Variants in BMP1 observed in about 807,000 individuals in gnomAD.
BMP1 encodes the protein bone morphogenetic protein 1, also known as mammalian tolloid protein.
Under a neutral mutation model 116.8 loss-of-function variants are expected in BMP1, and 63 were observed. The ratio of observed to expected loss-of-function variants is 0.54; its 90% confidence interval spans 0.44 to 0.67. The LOEUF is 0.67. Ranked by LOEUF, BMP1 falls within the 30% of genes least tolerant of loss-of-function variation. The pLI is 0.00. For synonymous variants in BMP1, 536 were observed against 533.4 expected, an observed-to-expected ratio of 1.00 and a Z score of -0.07; for missense variants, 1,183 against 1,358.9, an observed-to-expected ratio of 0.87 and a Z score of 2.04.
At chr8:22,201,353 C>A in intron 15 of BMP1, 1 of 1,485,378 alleles carries the variant, frequency 6.7e-7, no homozygotes, top group Non-Finnish European at 8.9e-7. Context: ...GCTCTCTTCT[C>A]CCCACTGTGC....
At chr8:22,182,584 A>G (rs915016311) in intron 8 of BMP1, among the ~76,000 whole-genome samples, 1 of 152,182 alleles carries the variant, frequency 6.6e-6, no homozygotes, top group African/African-American at 2.4e-5. Context: ...CTACTGTTCC[A>G]CCCGTTGACA....
intron 8 of BMP1, among the ~76,000 whole-genome samples, chr8:22,184,326 G>A (rs1460552867): frequency 7.2e-5 from 11 of 152,324 alleles, no homozygotes; most frequent in Non-Finnish European, 1.5e-4. Context: ...TCTAGTGGAC[G>A]CACATGGCCT....
intron 13 of BMP1, 107 bp from the exon 14 acceptor site, chr8:22,196,573 A>G (rs878902581): frequency 2.6e-6 from 4 of 1,517,798 alleles, no homozygotes; most frequent in Non-Finnish European, 2.7e-6. Flanking sequence ...AGCCTTGGGG[A>G]GTCCACAGGC....
rs10664439 is a variant in BMP1 at position 22,210,468 on chromosome 8, T to TCTCACACACACACA, written c.2826+774_2826+775insTCACACACACACAC. On this transcript the variant is annotated intron_variant, in intron 19 of 19. Transcript: ENST00000306385. The stretch of plus-strand genomic sequence containing the variant: ...TTCCCTCTCTCTCTCTCTCTCTCTC[T>TCTCACACACACACA]CACACACATACACACACACTGGCAC... Among the ~76,000 whole-genome samples the TCTCACACACACACA allele has an allele frequency of 6.8e-3, 923 of 135,522 alleles. 14 individuals carry two copies. Among genetic ancestry groups the TCTCACACACACACA allele is most frequent in the African/African-American group, 0.024 (826 of 33,780 alleles). The allele number at this position is 135,522 out of a possible 152,430, so 88.9% of individuals were successfully genotyped here. A position where few individuals can be genotyped will look rare whatever the true frequency, so the allele number is the denominator to read the frequency against.
chr8:22,203,223 CA>C (rs1276177386), intron 16 of BMP1, among the ~76,000 whole-genome samples: 3 of 152,214 alleles, frequency 2.0e-5, no homozygotes, highest in South Asian at 2.1e-4. Flanking sequence ...GTGAGTCACT[CA>C]ACCTCTCTGT....
intron 1 of BMP1, among the ~76,000 whole-genome samples, chr8:22,171,994 G>A (rs569962472): frequency 6.6e-6 from 1 of 152,288 alleles, no homozygotes; most frequent in Admixed American, 6.5e-5. Context: ...GGATGGCAAG[G>A]GTGTGGACGC....
chr8:22,176,254 G>A lies in BMP1; in HGVS notation c.374G>A (p.Arg125Gln), dbSNP rs139598412. The change falls in exon 3 of 20, where the codon CGA becomes CAA. Residue 125 changes from arginine (R) to glutamine (Q), a missense_variant. Transcript: ENST00000306385. Reference sequence around the variant, plus strand: ...CGTAGCCGGCGGGCGGCGACGTCCCGACCAGAGCGTGTGTGGCCCGATGGG... The same window carrying A: ...CGTAGCCGGCGGGCGGCGACGTCCCAACCAGAGCGTGTGTGGCCCGATGGG... ...RSRSRRAATS[R>Q]PERVWPDGVI... The A allele has an allele frequency of 3.7e-6, 6 of 1,613,598 alleles. No homozygotes were observed. The highest frequency in any genetic ancestry group is 2.2e-5 in the East Asian group (1 of 44,878).
intron 9 of BMP1, 137 bp from the exon 10 acceptor site, chr8:22,193,921 G>A: frequency 1.4e-6 from 1 of 708,912 alleles, no homozygotes; most frequent in Non-Finnish European, 2.4e-6. Flanking sequence ...CCAACCAGAG[G>A]GTATACAGTC....
intron 18 of BMP1, 66 bp from the exon 19 acceptor site, chr8:22,209,379 A>T: frequency 6.3e-7 from 1 of 1,582,204 alleles, no homozygotes. Context: ...ACGCCATGGC[A>T]TAGTGTGCCA....
chr8:22,194,784 A>G lies in BMP1; in HGVS notation c.1504A>G (p.Ser502Gly), dbSNP rs1586461068. Reference protein sequence around the residue: ...YLEVRDGHSESSTLIGRYCGY... With the variant: ...YLEVRDGHSEGSTLIGRYCGY... ...GGAGGTGCGCGACGGGCACAGTGAG[A>G]GCAGCACCCTCATCGGGCGCTACTG... The change falls in exon 12 of 20, where the codon AGC becomes GGC. Residue 502 changes from serine (S) to glycine (G), a missense_variant. This residue lies in a region of BMP1 where 956 missense variants were observed against 1,135.2 expected (regional missense o/e 0.84). Transcript: ENST00000306385. The surrounding 1 kb of genome is among the most constrained non-coding windows in gnomAD (Gnocchi z 4.5). 6.2e-7 allele frequency: 1 copy of G among 1,613,898 alleles called. No individual in the cohort carries two copies. Among genetic ancestry groups the G allele is most frequent in the Non-Finnish European group, 8.5e-7 (1 of 1,179,916 alleles).
chr8:22,212,211 C>G lies in BMP1; in HGVS notation c.*483C>G, dbSNP rs1379525608. The stretch of plus-strand genomic sequence containing the variant: ...GTCTGTGCATGTCCCCCAGGAGCCA[C>G]CGTGGGGAGCCGATGGGGAGGGGAT... On this transcript the variant is annotated 3_prime_UTR_variant, in exon 20 of 20. Coordinates refer to ENST00000306385, the MANE Select transcript of BMP1 (RefSeq NM_006129.5). The G allele has an allele frequency of 1.2e-5, 2 of 163,780 alleles. No homozygotes were observed. Among genetic ancestry groups the G allele is most frequent in the Non-Finnish European group, 2.7e-5 (2 of 73,756 alleles). The allele number at this position is 163,780 out of a possible 1,614,324, so 10.1% of individuals were successfully genotyped here.
intron 13 of BMP1, 54 bp from the exon 14 acceptor site, chr8:22,196,626 C>G: frequency 6.2e-7 from 1 of 1,610,652 alleles, no homozygotes; most frequent in South Asian, 1.1e-5. Flanking sequence ...CATCTCAGCC[C>G]TTCCCCATGG....
chr8:22,188,742 C>T (rs1260800726), intron 8 of BMP1, among the ~76,000 whole-genome samples: 1 of 152,252 alleles, frequency 6.6e-6, no homozygotes, highest in Non-Finnish European at 1.5e-5. Flanking sequence ...CCTCTGGTTC[C>T]TCCTACTTCT....
chr8:22,196,212 G>A, intron 13 of BMP1: 1 of 524,636 alleles, frequency 1.9e-6, no homozygotes, highest in Non-Finnish European at 3.8e-6. Flanking sequence ...GGAAACCCCT[G>A]TTGTGGGACA....
chr8:22,180,351 A>G lies in BMP1; in HGVS notation c.962-17A>G. On this transcript the variant is annotated splice_polypyrimidine_tract_variant and intron_variant, in intron 7 of 19. Coordinates refer to ENST00000306385, the MANE Select transcript of BMP1 (RefSeq NM_006129.5). ...TTGGCGCCTGCAGCCCTGCCCTGTC[A>G]TTTCCTTTCCTCACAGCCTGTGGAG... is the stretch of plus-strand genomic sequence containing the variant. 1.2e-6 allele frequency: 2 copies of G among 1,602,936 alleles called. No individual in the cohort carries two copies. The highest frequency in any genetic ancestry group is 1.7e-4 in the Middle Eastern group (1 of 6,036).
rs1287973944 is a variant in BMP1 at position 22,165,376 on chromosome 8, C to T, written c.-30C>T. ...GGACGCCCTCCCCTGGCCTCCAGTG[C>T]GCCGCTTCCCTCGCCGCCGCCCCGC... On this transcript the variant is annotated 5_prime_UTR_variant, in exon 1 of 20. Coordinates refer to ENST00000306385, the MANE Select transcript of BMP1 (RefSeq NM_006129.5). 1.4e-6 allele frequency: 2 copies of T among 1,420,128 alleles called. No homozygotes were observed. Among genetic ancestry groups the T allele is most frequent in the Non-Finnish European group, 1.8e-6 (2 of 1,093,160 alleles). The allele number at this position is 1,420,128 out of a possible 1,614,324, so 88.0% of individuals were successfully genotyped here. A position where few individuals can be genotyped will look rare whatever the true frequency, so the allele number is the denominator to read the frequency against.
chr8:22,177,086 C>T lies in BMP1; in HGVS notation c.677C>T (p.Thr226Ile). 1 of 1,612,288 alleles carries T rather than the reference C, an allele frequency of 6.2e-7. No homozygotes were observed. Among genetic ancestry groups the T allele is most frequent in the Non-Finnish European group, 8.5e-7 (1 of 1,179,300 alleles). ...GTCGTCGGCTTCTGGCACGAACACA[C>T]TCGGCCAGACCGGGACCGCCACGTT... is the stretch of plus-strand genomic sequence containing the variant. ...GHVVGFWHEH[T>I]RPDRDRHVSI... is the part of the protein sequence containing the mutation. Residue 226 changes from threonine (T) to isoleucine (I), a missense_variant, in exon 5 of 20, where the codon ACT becomes ATT. Physicochemically the swap from Thr to Ile is moderately conservative, Grantham distance 89. Coordinates refer to ENST00000306385, the MANE Select transcript of BMP1 (RefSeq NM_006129.5).
intron 8 of BMP1, among the ~76,000 whole-genome samples, chr8:22,187,207 T>A (rs1273850969): frequency 6.6e-6 from 1 of 152,024 alleles, no homozygotes; most frequent in Non-Finnish European, 1.5e-5. Context: ...GCCAGGCTAG[T>A]CTCAAACTCC....
rs976224880 is a variant in BMP1, at chr8:22,194,548, G to C, written c.1401G>C (p.Val467=). The change falls in exon 11 of 20, where the codon GTG becomes GTC. Residue 467 remains valine (V), a synonymous_variant. Transcript: ENST00000306385. The surrounding 1 kb of genome is among the most constrained non-coding windows in gnomAD (Gnocchi z 4.5). ...PSKVCIWRIQ[V]SEGFHVGLTF... ...AAGTCTGCATCTGGCGGATCCAGGT[G>C]TCTGAGGGCTTCCACGTGGGCCTCA... The C allele has an allele frequency of 6.2e-7, 1 of 1,614,206 alleles. No individual in the cohort carries two copies. The highest frequency in any genetic ancestry group is 1.3e-5 in the African/African-American group (1 of 75,060).
Sources: allele counts gnomAD v4.1 joint callset (sites outside exome capture counted in the v4.1 genomes callset), GRCh38; gene constraint gnomAD v4.1.1; regional missense constraint gnomAD v4.1.1; non-coding constraint Gnocchi (gnomAD v3.1); transcripts MANE v1.5; gene names NCBI Gene and HGNC (gene_info 2026-07-23, HGNC 2026-07-21).